Variants in SAMD5 observed in about 807,000 individuals in gnomAD.
SAMD5 encodes sterile alpha motif domain containing 5, also known as sterile alpha motif domain-containing protein 5.
A neutral mutation model predicts 11.3 loss-of-function variants in SAMD5; 13 were observed. The observed-to-expected ratio is 1.15, with a 90% CI of 0.75 to 1.83. The LOEUF is 1.83. Ranked by LOEUF, SAMD5 falls within the 40% of genes most tolerant of loss-of-function variation. The pLI is 0.00. For synonymous variants in SAMD5, 129 were observed against 111.3 expected (o/e 1.16, Z -1.00); for missense variants, 255 against 239.1 (o/e 1.07, Z -0.44).
rs146091942 is a variant in SAMD5, at chr6:147,560,885, A to G, written c.460-3509A>G. ...TCAAACCCCATAAAAGCCTAGAACA[A>G]ATGAAACTGAGAAAGTCACAACCCA... On this transcript the variant is annotated intron_variant, in intron 1 of 1. Coordinates refer to ENST00000367474, the MANE Select transcript of SAMD5 (RefSeq NM_001030060.3). Among the ~76,000 whole-genome samples the G allele has an allele frequency of 1.2e-4, 18 of 152,300 alleles. No homozygotes were observed. In the East Asian group the frequency reaches 3.5e-3, roughly 29 times the overall value.
At chr6:147,699,565 T>C (rs1219238390) in intron 1 of SAMD5, among the ~76,000 whole-genome samples, 2 of 152,198 alleles carry the variant, frequency 1.3e-5, no homozygotes, top group Non-Finnish European at 2.9e-5. Flanking sequence ...ATGCAAATAG[T>C]TTTCACACCA....
intron 1 of SAMD5, among the ~76,000 whole-genome samples, chr6:147,629,259 C>T (rs1209308145): frequency 5.9e-5 from 9 of 151,908 alleles, no homozygotes; most frequent in Admixed American, 3.3e-4. Context: ...TGCAGTGAGC[C>T]GAGATTGTGT....
chr6:147,708,090 C>T (rs182614357), intron 1 of SAMD5, among the ~76,000 whole-genome samples: 10 of 152,180 alleles, frequency 6.6e-5, no homozygotes, highest in African/African-American at 2.4e-4. Flanking sequence ...CAAATTCATA[C>T]ATTGAAATCC....
the SAMD5 span, among the ~76,000 whole-genome samples, chr6:147,799,080 T>C: frequency 1.3e-5 from 2 of 152,044 alleles, no homozygotes; most frequent in East Asian, 3.9e-4. Context: ...TTAAAGTTAA[T>C]AGTGTTATGT....
chr6:147,612,813 A>G (rs1478268739), intron 1 of SAMD5, among the ~76,000 whole-genome samples: 2 of 152,162 alleles, frequency 1.3e-5, no homozygotes, highest in African/African-American at 4.8e-5. Flanking sequence ...TCTTCATTTT[A>G]TACTTGCTGT....
the SAMD5 span, among the ~76,000 whole-genome samples, chr6:147,767,555 C>CG: frequency 1.3e-5 from 2 of 149,458 alleles, no homozygotes; most frequent in Admixed American, 6.6e-5. Flanking sequence ...ATGAGTTTGT[C>CG]GGGGTGGGGA....
chr6:147,518,039 A>C (rs532364), intron 1 of SAMD5, among the ~76,000 whole-genome samples: 1 of 151,934 alleles, frequency 6.6e-6, no homozygotes, highest in East Asian at 1.9e-4. Flanking sequence ...TCAATTCCCC[A>C]TGTATTTGCA....
chr6:147,633,458 T>C (rs1225166586), intron 1 of SAMD5, among the ~76,000 whole-genome samples: 3 of 152,218 alleles, frequency 2.0e-5, no homozygotes, highest in Admixed American at 2.0e-4. Flanking sequence ...TGGGAATGAC[T>C]AGGGACATCT....
chr6:147,838,973 C>G, the SAMD5 span, among the ~76,000 whole-genome samples: 1 of 152,226 alleles, frequency 6.6e-6, no homozygotes, highest in Admixed American at 6.5e-5. Context: ...GAATAAATCA[C>G]AGTTTTTGGT....
intron 1 of SAMD5, among the ~76,000 whole-genome samples, chr6:147,608,629 T>C (rs1449476435): frequency 6.6e-6 from 1 of 152,092 alleles, no homozygotes; most frequent in East Asian, 1.9e-4. Flanking sequence ...AGAAGGATGC[T>C]TACCAGAGGC....
the SAMD5 span, among the ~76,000 whole-genome samples, chr6:147,851,063 C>T: frequency 1.3e-5 from 2 of 151,794 alleles, no homozygotes; most frequent in East Asian, 3.9e-4. Context: ...TCTCCTACCT[C>T]AGCCTCCCAA....
chr6:147,616,570 T>C (rs1335410676), intron 1 of SAMD5, among the ~76,000 whole-genome samples: 1 of 152,176 alleles, frequency 6.6e-6, no homozygotes, highest in Non-Finnish European at 1.5e-5. Flanking sequence ...GAGTGATGTT[T>C]GGTTCAGATA....
chr6:147,701,580 G>C lies in SAMD5; in HGVS notation c.163-35737G>C, dbSNP rs567797244. Reference sequence around the variant, plus strand: ...ACCTGGGAGGTGGAGGTTGCAGTGAGCCAAGATTGTGCCTCACTGCAAGTG... The same window carrying C: ...ACCTGGGAGGTGGAGGTTGCAGTGACCCAAGATTGTGCCTCACTGCAAGTG... On this transcript the variant is annotated intron_variant, in intron 1 of 1. Transcript: ENST00000566741. Among the ~76,000 whole-genome samples, 209 of 150,992 alleles carry C rather than the reference G, an allele frequency of 1.4e-3. 2 individuals carry two copies. Among genetic ancestry groups the C allele is most frequent in the Middle Eastern group, 7.0e-3 (2 of 286 alleles).
chr6:147,783,707 C>T, the SAMD5 span, among the ~76,000 whole-genome samples: 5 of 152,060 alleles, frequency 3.3e-5, no homozygotes, highest in East Asian at 1.9e-4. Context: ...CCAGAAAATA[C>T]GTTTTTATAA....
chr6:147,673,520 A>AT (rs1472549483), intron 1 of SAMD5, among the ~76,000 whole-genome samples: 3 of 152,092 alleles, frequency 2.0e-5, no homozygotes, highest in Non-Finnish European at 4.4e-5. Flanking sequence ...GCCAAAAACC[A>AT]TTTTTTAAAA....
At chr6:147,871,423 T>C in the SAMD5 span, among the ~76,000 whole-genome samples, 79 of 152,252 alleles carry the variant, frequency 5.2e-4, no homozygotes, top group African/African-American at 1.9e-3. Context: ...TTAAGGCTCA[T>C]TTTCCCACTG....
chr6:147,618,560 G>A (rs1163318989), intron 1 of SAMD5, among the ~76,000 whole-genome samples: 2 of 152,206 alleles, frequency 1.3e-5, no homozygotes, highest in African/African-American at 4.8e-5. Flanking sequence ...AACAGATAGA[G>A]CAAGGTAAGA....
chr6:147,701,230 T>C (rs1791248699), intron 1 of SAMD5, among the ~76,000 whole-genome samples: 1 of 152,230 alleles, frequency 6.6e-6, no homozygotes, highest in Non-Finnish European at 1.5e-5. Flanking sequence ...GCAAGCACTG[T>C]ACATTTTTGT....
chr6:147,616,867 A>G (rs1001118355), intron 1 of SAMD5, among the ~76,000 whole-genome samples: 1 of 152,192 alleles, frequency 6.6e-6, no homozygotes, highest in African/African-American at 2.4e-5. Context: ...TATCACTAGA[A>G]GAGCATGGAG....
Sources: gnomAD v4.1 joint callset for allele counts (sites outside exome capture counted in the v4.1 genomes callset) on GRCh38, gnomAD v4.1.1 for gene constraint, MANE v1.5 for transcripts, NCBI Gene and HGNC (gene_info 2026-07-23, HGNC 2026-07-21) for gene names.